NUTM1: variants seen among roughly 807,000 people sequenced by gnomAD.
NUTM1 encodes NUT family member 1.
Under a neutral mutation model 88.7 loss-of-function variants are expected in NUTM1, and 39 were observed. That is an observed-to-expected ratio of 0.44 (90% CI 0.34 to 0.57). The LOEUF (loss-of-function observed/expected upper bound fraction) is 0.57, where lower values mean the gene tolerates loss of function less well. Among genes scored for constraint, NUTM1 ranks in the 20% least tolerant of loss-of-function variants. NUTM1 has a pLI of 0.01. For synonymous variants in NUTM1, 494 were observed against 538.0 expected (o/e 0.92, Z 1.13); for missense variants, 1,350 against 1,414.5 (o/e 0.95, Z 0.73).
At position 34,355,905 on chromosome 15, in the gene NUTM1, G is replaced by C; in HGVS notation, c.1897G>C (p.Gly633Arg). The C allele has an allele frequency of 1.2e-6, 2 of 1,613,910 alleles. No individual in the cohort carries two copies. The highest frequency in any genetic ancestry group is 1.7e-6 in the Non-Finnish European group (2 of 1,179,980). Reference protein sequence around the residue: ...LHQDGHLGGAGPPGHCLVADR... With the variant: ...LHQDGHLGGARPPGHCLVADR... ...TCAGGATGGCCATCTAGGAGGCGCT[G>C]GGCCTCCTGGGCACTGCCTGGTGGC... Residue 633 changes from glycine to arginine, a missense_variant, in exon 8 of 8, where the codon GGG (glycine) becomes CGG (arginine). Gly to Arg is a moderately radical substitution (Grantham distance 125). Transcript: ENST00000537011. The surrounding 1 kb of genome is among the most constrained non-coding windows in gnomAD (Gnocchi z 4.3).
chr15:34,344,358 C>A (rs1396378208), intron 1 of NUTM1, among the ~76,000 whole-genome samples: 1 of 151,442 alleles, frequency 6.6e-6, no homozygotes, highest in African/African-American at 2.4e-5. Flanking sequence ...CAAAAATTAG[C>A]GGGGCGTGGT....
Position 34,355,866 on chromosome 15 carries a change from C to T in NUTM1, c.1858C>T (p.Gln620Ter). The T allele has an allele frequency of 6.2e-7, 1 of 1,613,878 alleles. No homozygotes were observed. Among genetic ancestry groups the T allele is most frequent in the Non-Finnish European group, 8.5e-7 (1 of 1,179,980 alleles). The change falls in exon 8 of 8, where the codon CAG (glutamine) becomes TAG (stop). Residue 620 changes from glutamine (Q) to a stop codon, truncating the protein, a stop_gained. Coordinates refer to ENST00000537011, the MANE Select transcript of NUTM1 (RefSeq NM_001284292.2). LOFTEE classifies it high-confidence loss of function. The surrounding 1 kb of genome is among the most constrained non-coding windows in gnomAD (Gnocchi z 4.3). ...GAGAGGGTCTGGGAAGGTTATAAAC[C>T]AGGTATCTCTACATCAGGATGGCCA... ...ERRGSGKVIN[Q>*]VSLHQDGHLG...
intron 5 of NUTM1, 150 bp downstream of exon 5, chr15:34,354,022 T>C (rs1225504522): frequency 3.5e-6 from 3 of 862,472 alleles, no homozygotes; most frequent in Non-Finnish European, 5.3e-6. Context: ...GACCACCCCA[T>C]AGGAGGCTGG....
chr15:34,345,016 T>TCAAAAAAAAAAAAAAAAAAAAAAAAA (rs1566886992), intron 1 of NUTM1, among the ~76,000 whole-genome samples: 1 of 149,802 alleles, frequency 6.7e-6, no homozygotes, highest in Non-Finnish European at 1.5e-5. Flanking sequence ...AGACTCTGTT[T>TCAAAAAAAAAAAAAAAAAAAAAAAAA]AAAAAAAAAA....
Position 34,355,505 on chromosome 15 carries a change from C to T in NUTM1, c.1497C>T (p.Leu499=). ...LTLAQLVQKR[L]MALEEEEDAE... ...TCTTTCAGCTGGTCCAGAAGCGACTCATGGCCTTGGAAGAGGAGGAAGATG... is the reference window on the plus strand; with the variant it reads ...TCTTTCAGCTGGTCCAGAAGCGACTTATGGCCTTGGAAGAGGAGGAAGATG... The change falls in exon 8 of 8, where the codon CTC becomes CTT. Residue 499 remains leucine (L), a synonymous_variant. Coordinates refer to ENST00000537011, the MANE Select transcript of NUTM1 (RefSeq NM_001284292.2). The surrounding 1 kb of genome is among the most constrained non-coding windows in gnomAD (Gnocchi z 4.3). 3 of 1,614,180 alleles carry T rather than the reference C, an allele frequency of 1.9e-6. No individual in the cohort carries two copies. Among genetic ancestry groups the T allele is most frequent in the Non-Finnish European group, 2.5e-6 (3 of 1,180,014 alleles).
intron 3 of NUTM1, among the ~76,000 whole-genome samples, chr15:34,350,283 AT>A (rs1454466319): frequency 2.6e-5 from 4 of 152,216 alleles, no homozygotes; most frequent in African/African-American, 9.6e-5. Flanking sequence ...TTAATTAGAG[AT>A]TCCTTTGGGT....
At chr15:34,349,705 C>T (rs1007671643) in intron 3 of NUTM1, among the ~76,000 whole-genome samples, 1 of 152,204 alleles carries the variant, frequency 6.6e-6, no homozygotes, top group Non-Finnish European at 1.5e-5. Flanking sequence ...CTTCCAGTGG[C>T]TGAACTCCTA....
intron 3 of NUTM1, among the ~76,000 whole-genome samples, chr15:34,349,247 C>T (rs1327578616): frequency 6.6e-6 from 1 of 152,200 alleles, no homozygotes; most frequent in Non-Finnish European, 1.5e-5. Flanking sequence ...GGGCATGGCT[C>T]TACCACTCAC....
chr15:34,355,349 T>C lies in NUTM1; in HGVS notation c.1480-139T>C. On this transcript the variant is annotated intron_variant, in intron 7 of 7. Transcript: ENST00000537011. This position sits in a 1 kb window ranked among gnomAD's most constrained non-coding sequence, Gnocchi z 4.3. ...AAGGCACAAGAAGGTGGGAAAGAGC[T>C]GCAGTATCTGTCTTTGCTACCATCG... is the stretch of plus-strand genomic sequence containing the variant. 1.3e-6 allele frequency: 1 copy of C among 796,924 alleles called. No individual in the cohort carries two copies. Among genetic ancestry groups the C allele is most frequent in the Non-Finnish European group, 2.0e-6 (1 of 492,494 alleles). The allele number at this position is 796,924 out of a possible 1,614,324, so 49.4% of individuals were successfully genotyped here.
chr15:34,354,999 C>T lies in NUTM1; in HGVS notation c.1363-22C>T, dbSNP rs191304943. On this transcript the variant is annotated intron_variant, in intron 6 of 7. Transcript: ENST00000537011. Reference sequence around the variant, plus strand: ...AGGTTACCTGCTTACAGACTTACATCGCTTTTCCTTCTGTTATCCAGGTGG... The same window carrying T: ...AGGTTACCTGCTTACAGACTTACATTGCTTTTCCTTCTGTTATCCAGGTGG... 3.0e-4 allele frequency: 466 copies of T among 1,553,224 alleles called. 2 individuals carry two copies. Among genetic ancestry groups the T allele is most frequent in the Admixed American group, 1.3e-3 (77 of 59,782 alleles).
At position 34,348,123 on chromosome 15, in the gene NUTM1, A is replaced by G; in HGVS notation, c.255A>G (p.Pro85=). The change falls in exon 3 of 8, where the codon CCA becomes CCG. Residue 85 remains proline (P), a synonymous_variant. Transcript: ENST00000537011. ...CCATCATGCCTTCAGTATTCTCTCC[A>G]GACAACCCTCTGATGCTCTCTGCTT... ...PQPIMPSVFS[P]DNPLMLSAFP... is the part of the protein sequence containing the mutation. The G allele has an allele frequency of 6.2e-7, 1 of 1,614,132 alleles. No homozygotes were observed. Among genetic ancestry groups the G allele is most frequent in the South Asian group, 1.1e-5 (1 of 91,080 alleles).
chr15:34,353,116 A>C (rs2140157976), intron 4 of NUTM1, among the ~76,000 whole-genome samples: 1 of 151,432 alleles, frequency 6.6e-6, no homozygotes, highest in South Asian at 2.1e-4. Flanking sequence ...CGAACTCCTG[A>C]CCTCATGATC....
intron 1 of NUTM1, among the ~76,000 whole-genome samples, chr15:34,344,337 C>T (rs1890543627): frequency 6.6e-6 from 1 of 150,434 alleles, no homozygotes; most frequent in Admixed American, 6.6e-5. Flanking sequence ...ATGGTGAAAC[C>T]CCCAAAAATA....
In NUTM1 at chr15:34,356,748, A is replaced by G; in HGVS notation, c.2740A>G (p.Ser914Gly). 1 of 1,612,838 alleles carries G rather than the reference A, an allele frequency of 6.2e-7. No individual in the cohort carries two copies. Among genetic ancestry groups the G allele is most frequent in the Non-Finnish European group, 8.5e-7 (1 of 1,179,750 alleles). The change falls in exon 8 of 8, where the codon AGC becomes GGC. Residue 914 changes from serine to glycine, a missense_variant. Ser to Gly is a moderately conservative substitution (Grantham distance 56). Coordinates refer to ENST00000537011, the MANE Select transcript of NUTM1 (RefSeq NM_001284292.2). Reference protein sequence around the residue: ...SLPEASQEAGSRGNSFSPLLE... With the variant: ...SLPEASQEAGGRGNSFSPLLE... The stretch of plus-strand genomic sequence containing the variant: ...GCCTGAAGCCAGTCAAGAGGCAGGG[A>G]GCAGAGGCAATTCCTTTTCTCCTCT...
chr15:34,350,328 C>T (rs1354015916), intron 3 of NUTM1, among the ~76,000 whole-genome samples: 3 of 152,188 alleles, frequency 2.0e-5, no homozygotes, highest in Admixed American at 1.3e-4. Flanking sequence ...ATGCAAGAGC[C>T]TTTGGACAAG....
rs867847811 is a variant in NUTM1, at chr15:34,357,715, A to C, written c.*224A>C. The C allele has an allele frequency of 9.1e-6, 7 of 772,630 alleles. No homozygotes were observed. Among genetic ancestry groups the C allele is most frequent in the African/African-American group, 1.7e-5 (1 of 58,254 alleles). 47.9% of individuals were successfully genotyped at this position (772,630 alleles called of 1,614,324 possible). On this transcript the variant is annotated 3_prime_UTR_variant, in exon 8 of 8. Coordinates refer to ENST00000537011, the MANE Select transcript of NUTM1 (RefSeq NM_001284292.2). The stretch of plus-strand genomic sequence containing the variant: ...GAGCTATATAGAAAAAAAATGAATA[A>C]AGTGTTTTGTTGGAAAATGCTCTCA...
At chr15:34,354,984 C>A in intron 6 of NUTM1, 37 bp from the exon 7 acceptor site, 1 of 1,484,286 alleles carries the variant, frequency 6.7e-7, no homozygotes, top group Non-Finnish European at 9.4e-7. Context: ...AGGTTACCTG[C>A]TTACAGACTT....
intron 1 of NUTM1, among the ~76,000 whole-genome samples, chr15:34,344,790 G>T (rs551114406): frequency 6.6e-6 from 1 of 152,244 alleles, no homozygotes; most frequent in East Asian, 1.9e-4. Flanking sequence ...AGGCTGAGGC[G>T]GGCGGATCAT....
In NUTM1 at chr15:34,343,460, A is replaced by G; in HGVS notation, c.-237A>G. The G allele has an allele frequency of 1.2e-6, 1 of 866,072 alleles. No homozygotes were observed. Among genetic ancestry groups the G allele is most frequent in the Non-Finnish European group, 1.7e-6 (1 of 579,290 alleles). 53.6% of individuals were successfully genotyped at this position (866,072 alleles called of 1,614,324 possible). ...CAATGCCTGAAGAAACAAGGGCTCC[A>G]GGATTCAGAGCCCCTTTACCCTAGG... On this transcript the variant is annotated 5_prime_UTR_variant, in exon 1 of 8. Coordinates refer to ENST00000537011, the MANE Select transcript of NUTM1 (RefSeq NM_001284292.2).
Sources: gnomAD v4.1 joint callset for allele counts (sites outside exome capture counted in the v4.1 genomes callset) on GRCh38, gnomAD v4.1.1 for gene constraint, Gnocchi (gnomAD v3.1) non-coding constraint, MANE v1.5 for transcripts, NCBI Gene and HGNC (gene_info 2026-07-23, HGNC 2026-07-21) for gene names.